PRDM16: variants seen among roughly 807,000 people sequenced by gnomAD.
PRDM16 encodes histone-lysine N-methyltransferase PRDM16.
Under a neutral mutation model 110.6 loss-of-function variants are expected in PRDM16, and 23 were observed. The ratio of observed to expected loss-of-function variants is 0.21; its 90% CI spans 0.15 to 0.29. The LOEUF is 0.29. Among genes scored for constraint, PRDM16 ranks in the 10% least tolerant of loss-of-function variants. PRDM16 has a pLI of 1.00. For missense variants in PRDM16, 1,615 were observed against 1,794.3 expected, an observed-to-expected ratio of 0.90 and a Z score of 1.81; for synonymous variants, 799 against 781.8, an observed-to-expected ratio of 1.02 and a Z score of -0.37.
At chr1:3,343,715 G>C (rs1642313023) in intron 3 of PRDM16, among the ~76,000 whole-genome samples, 1 of 151,860 alleles carries the variant, frequency 6.6e-6, no homozygotes, top group Non-Finnish European at 1.5e-5. Flanking sequence ...CTCACTACAA[G>C]CTCCGCCTCC....
Position 3,390,550 on chromosome 1 carries a change from G to A in PRDM16, c.573+5264G>A, listed in dbSNP as rs939143978. On this transcript the variant is annotated intron_variant, in intron 4 of 16. Transcript: ENST00000270722. This position sits in a 1 kb window ranked among gnomAD's most constrained non-coding sequence, Gnocchi z 5.0. ...GCACAGCCCCTCCACAGAGTGTTCC[G>A]CGCAGGCATTGTGTTAGAAGAGTGG... is the stretch of plus-strand genomic sequence containing the variant. Among the ~76,000 whole-genome samples, 3 of 152,182 alleles carry A rather than the reference G, an allele frequency of 2.0e-5. No homozygotes were observed. Among genetic ancestry groups the A allele is most frequent in the South Asian group, 2.1e-4 (1 of 4,818 alleles).
chr1:3,215,843 G>A (rs1226410801), intron 2 of PRDM16, among the ~76,000 whole-genome samples: 1 of 152,158 alleles, frequency 6.6e-6, no homozygotes, highest in Non-Finnish European at 1.5e-5. Flanking sequence ...GCAACAAGGG[G>A]CGCATTCTTC....
At chr1:3,084,447 T>C (rs1186387046) in intron 1 of PRDM16, among the ~76,000 whole-genome samples, 1 of 152,138 alleles carries the variant, frequency 6.6e-6, no homozygotes, top group Non-Finnish European at 1.5e-5. Flanking sequence ...ACGAGGCCCT[T>C]TGTGGGATTA....
At position 3,277,513 on chromosome 1, in the gene PRDM16, G is replaced by T. The variant is rs574813368; in HGVS notation, c.438+33376G>T. Among the ~76,000 whole-genome samples the T allele has an allele frequency of 6.6e-5, 10 of 152,354 alleles. No individual in the cohort carries two copies. In the South Asian group the frequency reaches 2.1e-3, roughly 32 times the overall value. On this transcript the variant is annotated intron_variant, in intron 3 of 16. Transcript: ENST00000270722. The stretch of plus-strand genomic sequence containing the variant: ...GAAGACAGGATCCCAGTACAGGAAA[G>T]CCCCAGGCTGGCCCCGACCCTCTCC...
At chr1:3,248,879 A>C (rs1639858116) in intron 3 of PRDM16, among the ~76,000 whole-genome samples, 1 of 152,200 alleles carries the variant, frequency 6.6e-6, no homozygotes, top group Non-Finnish European at 1.5e-5. Context: ...AGGAGTCCAG[A>C]GGTTTCCTGG....
chr1:3,337,231 A>G (rs1475742955), intron 3 of PRDM16, among the ~76,000 whole-genome samples: 6 of 152,156 alleles, frequency 3.9e-5, no homozygotes, highest in Admixed American at 3.9e-4. Flanking sequence ...ATACACGCAC[A>G]TGTGTGTTGG....
Position 3,417,956 on chromosome 1 carries a change from C to A in PRDM16, c.2820C>A (p.Ser940=), listed in dbSNP as rs764764989. The change falls in exon 11 of 17, where the codon TCC becomes TCA. Residue 940 remains serine (S), a synonymous_variant. Coordinates refer to ENST00000270722, the MANE Select transcript of PRDM16 (RefSeq NM_022114.4). The stretch of plus-strand genomic sequence containing the variant: ...TCCGGTCCCCACCCCCAACGCTCTC[C>A]GACCCCATCCTCAGGAAGGGCAAGG... ...FNFRSPPPTL[S]DPILRKGKER... is the part of the protein sequence containing the mutation. The A allele has an allele frequency of 6.2e-7, 1 of 1,613,120 alleles. No individual in the cohort carries two copies. The highest frequency in any genetic ancestry group is 8.5e-7 in the Non-Finnish European group (1 of 1,179,826).
intron 3 of PRDM16, among the ~76,000 whole-genome samples, chr1:3,298,428 G>T (rs2500287): frequency 0.5 from 75,729 of 152,158 alleles, 19,866 homozygotes; most frequent in East Asian, 0.67. Flanking sequence ...ACCAGCCTGG[G>T]AAATGAGCTT....
chr1:3,178,829 C>T (rs1034709694), intron 1 of PRDM16, among the ~76,000 whole-genome samples: 1 of 152,172 alleles, frequency 6.6e-6, no homozygotes, highest in African/African-American at 2.4e-5. Flanking sequence ...CTGTGAATTA[C>T]AGGTCTAGCA....
intron 3 of PRDM16, among the ~76,000 whole-genome samples, chr1:3,324,873 G>T (rs1403285363): frequency 6.6e-6 from 1 of 152,174 alleles, no homozygotes; most frequent in East Asian, 1.9e-4. Context: ...ATGTGACACA[G>T]AACCCTGCCC....
chr1:3,435,743 T>A lies in PRDM16; in HGVS notation c.*1932T>A, dbSNP rs1348442396. On this transcript the variant is annotated 3_prime_UTR_variant, in exon 17 of 17. Transcript: ENST00000270722. ...CAGCGGTGACGGGAGGTGTCCTGGC[T>A]GCTCCAGGACAAAAGACAATCGTCT... The A allele has an allele frequency of 1.3e-5, 3 of 232,644 alleles. No individual in the cohort carries two copies. Among genetic ancestry groups the A allele is most frequent in the East Asian group, 1.2e-4 (2 of 16,488 alleles). The allele number at this position is 232,644 out of a possible 1,614,324, so 14.4% of individuals were successfully genotyped here.
At chr1:3,086,529 A>G (rs578033449) in intron 1 of PRDM16, among the ~76,000 whole-genome samples, 3 of 150,408 alleles carry the variant, frequency 2.0e-5, no homozygotes, top group Non-Finnish European at 3.0e-5. Flanking sequence ...TCCTCCCTCC[A>G]CTTCTGGCCT....
At chr1:3,275,812 G>A (rs1172103993) in intron 3 of PRDM16, among the ~76,000 whole-genome samples, 4 of 152,268 alleles carry the variant, frequency 2.6e-5, no homozygotes, top group East Asian at 1.9e-4. Context: ...GGGGAGAGCC[G>A]TGCACATCCA....
intron 3 of PRDM16, among the ~76,000 whole-genome samples, chr1:3,362,021 G>A (rs867825478): frequency 2.9e-4 from 44 of 152,190 alleles, no homozygotes; most frequent in Non-Finnish European, 4.4e-5. Flanking sequence ...GGCAGGTGGT[G>A]AGAAGTGACT....
intron 11 of PRDM16, 106 bp from the exon 12 acceptor site, chr1:3,418,561 G>A: frequency 1.3e-6 from 1 of 749,856 alleles, no homozygotes; most frequent in Non-Finnish European, 2.3e-6. Flanking sequence ...GTCCACCTGT[G>A]CATCAGGTGT....
At chr1:3,121,772 C>T (rs530932151) in intron 1 of PRDM16, among the ~76,000 whole-genome samples, 58 of 152,296 alleles carry the variant, frequency 3.8e-4, no homozygotes, top group African/African-American at 1.2e-3. Context: ...CCCTTCTCTG[C>T]GGGGCCGGCC....
At chr1:3,383,250 AG>A (rs1436838679) in intron 3 of PRDM16, among the ~76,000 whole-genome samples, 1 of 152,192 alleles carries the variant, frequency 6.6e-6, no homozygotes, top group African/African-American at 2.4e-5. Context: ...GAAGGGGCCC[AG>A]GGGCAGGCAC....
chr1:3,317,128 G>C (rs1246404028), intron 3 of PRDM16, among the ~76,000 whole-genome samples: 1 of 152,222 alleles, frequency 6.6e-6, no homozygotes, highest in African/African-American at 2.4e-5. Context: ...GTGGTCTCGA[G>C]GTTGTCCACA....
At chr1:3,295,787 G>A (rs1257196625) in intron 3 of PRDM16, among the ~76,000 whole-genome samples, 4 of 152,128 alleles carry the variant, frequency 2.6e-5, no homozygotes, top group Non-Finnish European at 4.4e-5. Context: ...AAGACACCAC[G>A]CGTGCAGCCT....
Sources: gnomAD v4.1 joint callset for allele counts (sites outside exome capture counted in the v4.1 genomes callset) on GRCh38, gnomAD v4.1.1 for gene constraint, Gnocchi (gnomAD v3.1) non-coding constraint, MANE v1.5 for transcripts, NCBI Gene and HGNC (gene_info 2026-07-23, HGNC 2026-07-21) for gene names.